Variants in NRG3 observed in about 807,000 individuals in gnomAD.
NRG3 encodes the protein neuregulin 3.
A neutral mutation model predicts 66.9 loss-of-function variants in NRG3; 31 were observed. The observed-to-expected ratio is 0.46, with a 90% CI of 0.35 to 0.63. The LOEUF (loss-of-function observed/expected upper bound fraction) is 0.63, where lower values mean the gene tolerates loss of function less well. Ranked by LOEUF, NRG3 falls within the 20% of genes least tolerant of loss-of-function variation. NRG3 has a pLI of 0.00. For synonymous variants in NRG3, 393 were observed against 359.4 expected, an observed-to-expected ratio of 1.09 and a Z score of -1.06; for missense variants, 910 against 878.9, an observed-to-expected ratio of 1.04 and a Z score of -0.45.
intron 1 of NRG3, among the ~76,000 whole-genome samples, chr10:81,944,712 G>A (rs1006152201): frequency 8.5e-5 from 13 of 152,218 alleles, no homozygotes; most frequent in Admixed American, 5.2e-4. Flanking sequence ...CTGATCTTCC[G>A]TGAGTCAGAG....
At chr10:82,302,433 C>A (rs994935933) in intron 1 of NRG3, among the ~76,000 whole-genome samples, 5 of 151,996 alleles carry the variant, frequency 3.3e-5, no homozygotes, top group African/African-American at 1.2e-4. Flanking sequence ...ACATAAAATT[C>A]TGCTGAACAA....
At chr10:82,963,313 C>G (rs752284143) in intron 6 of NRG3, among the ~76,000 whole-genome samples, 29 of 152,338 alleles carry the variant, frequency 1.9e-4, no homozygotes, top group Non-Finnish European at 3.5e-4. Flanking sequence ...ACCCTAAATA[C>G]ATGCTCCCAT....
At chr10:82,715,153 G>T (rs1468989192) in intron 2 of NRG3, among the ~76,000 whole-genome samples, 11 of 152,104 alleles carry the variant, frequency 7.2e-5, no homozygotes, top group African/African-American at 2.7e-4. Flanking sequence ...CCAGCAATTT[G>T]GGAGACTGCA....
intron 2 of NRG3, among the ~76,000 whole-genome samples, chr10:82,409,504 A>G (rs1287630054): frequency 2.6e-5 from 4 of 152,164 alleles, no homozygotes; most frequent in Non-Finnish European, 5.9e-5. Context: ...GGTAGAAAAT[A>G]TTAATAGTAG....
chr10:82,951,051 C>A (rs2132355416), intron 4 of NRG3, among the ~76,000 whole-genome samples: 1 of 152,190 alleles, frequency 6.6e-6, no homozygotes, highest in Admixed American at 6.5e-5. Flanking sequence ...AATCAGAAAA[C>A]ACAGGGGCAT....
chr10:82,124,273 C>T (rs764666523), intron 1 of NRG3, among the ~76,000 whole-genome samples: 7 of 151,918 alleles, frequency 4.6e-5, no homozygotes, highest in Non-Finnish European at 7.4e-5. Flanking sequence ...GTAACTTGAA[C>T]TCTTTGGGAC....
At chr10:81,952,079 C>T (rs1012278125) in intron 1 of NRG3, among the ~76,000 whole-genome samples, 39 of 143,106 alleles carry the variant, frequency 2.7e-4, no homozygotes, top group Non-Finnish European at 3.9e-4. Context: ...CATCACACAC[C>T]GGGGCCTGTT....
intron 3 of NRG3, among the ~76,000 whole-genome samples, chr10:82,816,386 G>A (rs1432113311): frequency 2.0e-5 from 3 of 152,172 alleles, no homozygotes; most frequent in Non-Finnish European, 2.9e-5. Context: ...AGGTCATCCC[G>A]ATGAGTGTCC....
At chr10:82,085,915 G>C (rs1354947604) in intron 1 of NRG3, among the ~76,000 whole-genome samples, 1 of 152,112 alleles carries the variant, frequency 6.6e-6, no homozygotes. Flanking sequence ...TGGGCTTACA[G>C]GCATGAGCCA....
At chr10:82,710,794 A>G (rs1221408627) in intron 2 of NRG3, among the ~76,000 whole-genome samples, 2 of 150,818 alleles carry the variant, frequency 1.3e-5, no homozygotes, top group Non-Finnish European at 3.0e-5. Flanking sequence ...GCCTTTGCTT[A>G]TGATTTTTTT....
chr10:82,831,534 G>A (rs2062523103), intron 3 of NRG3, among the ~76,000 whole-genome samples: 1 of 152,108 alleles, frequency 6.6e-6, no homozygotes, highest in African/African-American at 2.4e-5. Context: ...ATGAAGTCTT[G>A]GCTGGGCGCA....
intron 3 of NRG3, among the ~76,000 whole-genome samples, chr10:82,826,759 G>A (rs763659082): frequency 6.6e-6 from 1 of 152,108 alleles, no homozygotes; most frequent in Non-Finnish European, 1.5e-5. Flanking sequence ...GCCTACTTGA[G>A]GTGGGAGGGT....
intron 1 of NRG3, among the ~76,000 whole-genome samples, chr10:82,081,926 A>G (rs1391775027): frequency 6.6e-6 from 1 of 152,210 alleles, no homozygotes; most frequent in Non-Finnish European, 1.5e-5. Context: ...AGGCTGAGGT[A>G]GGAGGATGGC....
rs1165706454 is a variant in NRG3 at position 82,452,172 on chromosome 10, C to T, written c.953+93304C>T. ...TGGAAATAATCATTAGTATTCTTAG[C>T]CTTGTTCTATAAACTCATAATGATG... On this transcript the variant is annotated intron_variant, in intron 2 of 8. Coordinates refer to ENST00000372141, the MANE Select transcript of NRG3 (RefSeq NM_001010848.4). Among the ~76,000 whole-genome samples the T allele has an allele frequency of 2.6e-5, 4 of 152,250 alleles. No individual in the cohort carries two copies. The South Asian group carries it at 8.3e-4, about 32-fold the overall frequency.
At chr10:81,938,395 T>G (rs1050512317) in intron 1 of NRG3, among the ~76,000 whole-genome samples, 165 of 151,618 alleles carry the variant, frequency 1.1e-3, no homozygotes, top group Admixed American at 3.4e-3. Context: ...TGTGTGTGTT[T>G]TTTTTTTTCC....
intron 2 of NRG3, among the ~76,000 whole-genome samples, chr10:82,560,759 A>G (rs1306828339): frequency 1.3e-5 from 2 of 151,418 alleles, no homozygotes; most frequent in South Asian, 4.2e-4. Flanking sequence ...GAAATGTCTC[A>G]TATTAAAGAG....
At chr10:82,802,810 G>C (rs1220697730) in intron 3 of NRG3, among the ~76,000 whole-genome samples, 6 of 151,884 alleles carry the variant, frequency 4.0e-5, no homozygotes, top group Non-Finnish European at 8.8e-5. Context: ...GCACCACCAA[G>C]CCCAGCTAAT....
At chr10:81,967,268 TC>T (rs2059766347) in intron 1 of NRG3, among the ~76,000 whole-genome samples, 1 of 151,872 alleles carries the variant, frequency 6.6e-6, no homozygotes, top group Non-Finnish European at 1.5e-5. Context: ...ATTTATTTAA[TC>T]CAAGTTTTTA....
intron 4 of NRG3, among the ~76,000 whole-genome samples, chr10:82,913,915 C>T (rs527531626): frequency 2.6e-5 from 4 of 152,238 alleles, no homozygotes; most frequent in Non-Finnish European, 4.4e-5. Context: ...TTTTCCTTCT[C>T]GTCTTCCTAT....
Sources: gnomAD v4.1 joint callset for allele counts (sites outside exome capture counted in the v4.1 genomes callset) on GRCh38, gnomAD v4.1.1 for gene constraint, MANE v1.5 for transcripts, NCBI Gene and HGNC (gene_info 2026-07-23, HGNC 2026-07-21) for gene names.